The following CNTLN variants were observed in gnomAD, a reference collection of about 807,000 sequenced individuals.
CNTLN encodes centlein, centrosomal protein.
Under a neutral mutation model 180.0 loss-of-function variants are expected in CNTLN, and 212 were observed. The ratio of observed to expected loss-of-function variants is 1.18; its 90% CI spans 1.05 to 1.32. The LOEUF (loss-of-function observed/expected upper bound fraction) is 1.32, where lower values mean the gene tolerates loss of function less well. CNTLN is among the 40% of genes most tolerant of loss of function. CNTLN has a pLI of 0.00. For missense variants in CNTLN, 2,095 were observed against 1,610.9 expected, an observed-to-expected ratio of 1.30 and a Z score of -5.14; for synonymous variants, 722 against 563.1, an observed-to-expected ratio of 1.28 and a Z score of -3.99.
chr9:17,409,317 T>C lies in CNTLN; in HGVS notation c.2640T>C (p.Ser880=). Residue 880 remains serine (S), a synonymous_variant, in exon 16 of 26, where the codon TCT becomes TCC. Transcript: ENST00000380647. ...ESSSDSEAQT[S]QTLGTIIVET... is the part of the protein sequence containing the mutation. ...GCAGTGATTCTGAAGCACAGACCTC[T>C]CAAACTTTGGGAACAATTATTGTAG... 1 of 1,612,638 alleles carries C rather than the reference T, an allele frequency of 6.2e-7. No homozygotes were observed.
At chr9:17,442,442 A>C (rs190299197) in intron 18 of CNTLN, among the ~76,000 whole-genome samples, 1 of 152,320 alleles carries the variant, frequency 6.6e-6, no homozygotes, top group African/African-American at 2.4e-5. Flanking sequence ...TCTGTCACCC[A>C]GGCTGGAGTG....
intron 2 of CNTLN, among the ~76,000 whole-genome samples, chr9:17,178,570 C>T (rs1185881739): frequency 1.3e-5 from 2 of 152,122 alleles, no homozygotes; most frequent in East Asian, 3.9e-4. Context: ...GGAGCCCTGC[C>T]CCACAGGGAG....
chr9:17,148,774 G>A (rs927880769), intron 2 of CNTLN, among the ~76,000 whole-genome samples: 4 of 152,128 alleles, frequency 2.6e-5, no homozygotes, highest in East Asian at 1.9e-4. Flanking sequence ...TTGCCACTTT[G>A]TGTGTACCTG....
At chr9:17,477,400 C>A (rs1183964082) in intron 23 of CNTLN, among the ~76,000 whole-genome samples, 1 of 152,142 alleles carries the variant, frequency 6.6e-6, no homozygotes, top group Non-Finnish European at 1.5e-5. Flanking sequence ...CAAGGCATAG[C>A]TTCTGTAGAT....
chr9:17,355,470 C>T (rs972561647), intron 12 of CNTLN, among the ~76,000 whole-genome samples: 26 of 152,250 alleles, frequency 1.7e-4, no homozygotes, highest in African/African-American at 6.0e-4. Context: ...CTTGTTGTAG[C>T]TTATGCTTTT....
At chr9:17,309,411 G>A (rs767275450) in intron 8 of CNTLN, among the ~76,000 whole-genome samples, 159 bp downstream of exon 8, 3 of 152,012 alleles carry the variant, frequency 2.0e-5, no homozygotes, top group Non-Finnish European at 4.4e-5. Context: ...CTGTTTGTAG[G>A]CATGAATATT....
chr9:17,477,867 G>A (rs1832436946), intron 23 of CNTLN, among the ~76,000 whole-genome samples: 1 of 152,204 alleles, frequency 6.6e-6, no homozygotes, highest in Admixed American at 6.5e-5. Flanking sequence ...ATTGACTCCA[G>A]TTTTGAAAGA....
intron 18 of CNTLN, among the ~76,000 whole-genome samples, chr9:17,420,893 C>G (rs1183427663): frequency 6.6e-6 from 1 of 152,108 alleles, no homozygotes; most frequent in Non-Finnish European, 1.5e-5. Flanking sequence ...TTATTGATTT[C>G]TACTTTAATT....
intron 2 of CNTLN, among the ~76,000 whole-genome samples, chr9:17,174,698 GAAA>G (rs34784210): frequency 3.2e-5 from 4 of 124,446 alleles, no homozygotes; most frequent in Non-Finnish European, 5.2e-5. Flanking sequence ...TCCGTCTCAG[GAAA>G]AAAAAAAAAA....
At position 17,407,006 on chromosome 9, in the gene CNTLN, AAAAAAGAGGAATAGAACATAAAAAGAGGT is replaced by A. The variant is rs1474656111; in HGVS notation, c.2616-2283_2616-2255del. ...AATTTCTGCTAAGTTTTGGCCAAAC[AAAAAAGAGGAATAGAACATAAAAAGAGGT>A]AAACAATTATAGTAGAACACATAAG... On this transcript the variant is annotated intron_variant, in intron 15 of 25. Transcript: ENST00000380647. Among the ~76,000 whole-genome samples, 275 of 150,112 alleles carry A rather than the reference AAAAAAGAGGAATAGAACATAAAAAGAGGT, an allele frequency of 1.8e-3. 6 individuals are homozygous for A. Among genetic ancestry groups the A allele is most frequent in the African/African-American group, 5.6e-3 (224 of 39,928 alleles).
intron 8 of CNTLN, among the ~76,000 whole-genome samples, chr9:17,315,021 C>T (rs1207246837): frequency 6.6e-6 from 1 of 152,122 alleles, no homozygotes. Context: ...TATTTTACCC[C>T]ATAAAATATT....
chr9:17,271,984 C>A (rs1563944542), intron 5 of CNTLN, among the ~76,000 whole-genome samples: 1 of 151,808 alleles, frequency 6.6e-6, no homozygotes, highest in African/African-American at 2.4e-5. Context: ...GAATTGGTTC[C>A]CATATTTGCA....
At chr9:17,311,070 G>A (rs913733030) in intron 8 of CNTLN, among the ~76,000 whole-genome samples, 9 of 151,980 alleles carry the variant, frequency 5.9e-5, no homozygotes, top group South Asian at 4.2e-4. Context: ...TGTTGTCCAG[G>A]CTGGAGTGCA....
chr9:17,310,387 G>T (rs10963022), intron 8 of CNTLN, among the ~76,000 whole-genome samples: 2 of 151,942 alleles, frequency 1.3e-5, no homozygotes, highest in Non-Finnish European at 1.5e-5. Context: ...AGATTTATCC[G>T]TGTTTTTTGA....
downstream of CNTLN, among the ~76,000 whole-genome samples, chr9:17,505,724 T>G (rs1833921668): frequency 6.6e-6 from 1 of 152,086 alleles, no homozygotes; most frequent in Admixed American, 6.6e-5. Context: ...TATAGAGATT[T>G]AACACAATTC....
intron 13 of CNTLN, among the ~76,000 whole-genome samples, chr9:17,381,085 G>T (rs1825215576): frequency 6.6e-6 from 1 of 152,180 alleles, no homozygotes; most frequent in Admixed American, 6.5e-5. Flanking sequence ...TGGAGGATTG[G>T]GGTAGTATTT....
At chr9:17,380,417 C>T (rs1825145479) in intron 13 of CNTLN, among the ~76,000 whole-genome samples, 1 of 152,152 alleles carries the variant, frequency 6.6e-6, no homozygotes, top group Non-Finnish European at 1.5e-5. Flanking sequence ...TATTGAGACA[C>T]CTGTGGTAGA....
intron 10 of CNTLN, 108 bp from the exon 11 acceptor site, chr9:17,340,719 A>G: frequency 2.4e-6 from 2 of 837,176 alleles, no homozygotes; most frequent in Non-Finnish European, 3.4e-6. Flanking sequence ...TTATGTTTAC[A>G]CACTATTTTC....
At chr9:17,504,187 A>G (rs77965098), downstream of CNTLN, among the ~76,000 whole-genome samples, 1 of 152,296 alleles carries the variant, frequency 6.6e-6, no homozygotes, top group East Asian at 1.9e-4. Context: ...CTTAAGGCAC[A>G]ATGAAGTGTG....
Sources: gnomAD v4.1 joint callset for allele counts (sites outside exome capture counted in the v4.1 genomes callset) on GRCh38, gnomAD v4.1.1 for gene constraint, MANE v1.5 for transcripts, NCBI Gene and HGNC (gene_info 2026-07-23, HGNC 2026-07-21) for gene names.